The following CAMTA1 variants were observed in gnomAD, a reference collection of about 807,000 sequenced individuals.
The protein encoded by CAMTA1 is calmodulin binding transcription activator 1.
CAMTA1 carries 27 observed loss-of-function variants against 170.9 expected under a neutral mutation model. The ratio of observed to expected loss-of-function variants is 0.16; its 90% confidence interval spans 0.12 to 0.22. The LOEUF is 0.22. CAMTA1 is among the 10% of genes least tolerant of loss of function. CAMTA1 has a pLI of 1.00. For missense variants in CAMTA1, 1,619 were observed against 2,217.2 expected, an observed-to-expected ratio of 0.73 and a Z score of 5.42; for synonymous variants, 833 against 891.5, an observed-to-expected ratio of 0.93 and a Z score of 1.17.
chr1:7,002,521 G>A (rs976314404), intron 3 of CAMTA1, among the ~76,000 whole-genome samples: 2 of 152,166 alleles, frequency 1.3e-5, no homozygotes, highest in Non-Finnish European at 1.5e-5. Context: ...TGTTATTCAC[G>A]GGGTCTAATA....
intron 6 of CAMTA1, among the ~76,000 whole-genome samples, chr1:7,574,994 G>T (rs1484325875): frequency 2.0e-5 from 3 of 152,246 alleles, no homozygotes; most frequent in Non-Finnish European, 4.4e-5. Context: ...GCTCTGGGCT[G>T]CTGCTTCATG....
chr1:7,647,000 C>T (rs942133794), intron 7 of CAMTA1, among the ~76,000 whole-genome samples: 1 of 152,190 alleles, frequency 6.6e-6, no homozygotes, highest in African/African-American at 2.4e-5. Context: ...TTTCCAGTAC[C>T]GGGCCTCGGA....
At chr1:6,892,601 T>TC (rs1276073708) in intron 3 of CAMTA1, among the ~76,000 whole-genome samples, 3 of 150,426 alleles carry the variant, frequency 2.0e-5, no homozygotes, top group African/African-American at 7.3e-5. Flanking sequence ...TCTTTTCTTT[T>TC]TTTTTTTTTT....
chr1:7,398,556 T>A (rs1445534554), intron 5 of CAMTA1, among the ~76,000 whole-genome samples: 3 of 152,062 alleles, frequency 2.0e-5, no homozygotes, highest in Non-Finnish European at 4.4e-5. Context: ...TCTTATCCAT[T>A]CAGCCACTCT....
At chr1:7,139,168 AAT>A (rs1008362902) in intron 4 of CAMTA1, among the ~76,000 whole-genome samples, 1 of 128,426 alleles carries the variant, frequency 7.8e-6, no homozygotes, top group Non-Finnish European at 1.7e-5. Flanking sequence ...AATATATATA[AAT>A]ATATAAAATA....
chr1:6,972,488 T>C (rs980651214), intron 3 of CAMTA1, among the ~76,000 whole-genome samples: 2 of 152,226 alleles, frequency 1.3e-5, no homozygotes, highest in Non-Finnish European at 2.9e-5. Context: ...AATTAGCCTT[T>C]ATTCATCCCT....
At chr1:7,130,978 G>A (rs993108700) in intron 4 of CAMTA1, among the ~76,000 whole-genome samples, 6 of 149,240 alleles carry the variant, frequency 4.0e-5, no homozygotes, top group African/African-American at 1.2e-4. Flanking sequence ...TTTTTGAGAC[G>A]GATTCTTACT....
chr1:7,543,189 G>A (rs1399215482), intron 6 of CAMTA1, among the ~76,000 whole-genome samples: 1 of 152,164 alleles, frequency 6.6e-6, no homozygotes, highest in African/African-American at 2.4e-5. Flanking sequence ...TTTAATGGCT[G>A]CGTAATATCC....
intron 16 of CAMTA1, among the ~76,000 whole-genome samples, chr1:7,741,513 C>T (rs1016888013): frequency 6.6e-6 from 1 of 151,410 alleles, no homozygotes; most frequent in African/African-American, 2.4e-5. Context: ...AGCTAGCCGA[C>T]ATCGCACCAC....
chr1:7,235,203 G>A (rs533374457), intron 4 of CAMTA1, among the ~76,000 whole-genome samples: 24 of 152,226 alleles, frequency 1.6e-4, no homozygotes, highest in East Asian at 5.8e-4. Flanking sequence ...GGTGTGTCCC[G>A]ACCCGCCAGG....
chr1:6,893,378 C>T lies in CAMTA1; in HGVS notation c.234+68168C>T, dbSNP rs188550340. On this transcript the variant is annotated intron_variant, in intron 3 of 22. Coordinates refer to ENST00000303635, the MANE Select transcript of CAMTA1 (RefSeq NM_015215.4). ...CTGGCTTTCCTAGGAGCCTCTTTGG[C>T]GTGGGTGGGCGAGCTGCTCCCTTGC... 1.4e-3 allele frequency among the ~76,000 whole-genome samples: 218 copies of T among 152,306 alleles called. 1 individual carries two copies. Among genetic ancestry groups the T allele is most frequent in the Middle Eastern group, 6.8e-3 (2 of 294 alleles).
At position 7,737,183 on chromosome 1, in the gene CAMTA1, C is replaced by T; in HGVS notation, c.3343-72C>T. 4 of 1,493,520 alleles carry T rather than the reference C, an allele frequency of 2.7e-6. No homozygotes were observed. The South Asian group carries it at 3.7e-5, about 14-fold the overall frequency. The allele number at this position is 1,493,520 out of a possible 1,614,324, so 92.5% of individuals were successfully genotyped here. ...CAGCAAGGACCAGTTTGTCAGTTGG[C>T]AGCAATGGCAAAAGTCAGGTCTGGT... On this transcript the variant is annotated intron_variant, in intron 14 of 22. Transcript: ENST00000303635.
At chr1:7,492,684 C>CACAA (rs2093729431) in intron 6 of CAMTA1, among the ~76,000 whole-genome samples, 1 of 148,936 alleles carries the variant, frequency 6.7e-6, no homozygotes, top group Non-Finnish European at 1.5e-5. Flanking sequence ...CACACACAAA[C>CACAA]ACAAACCTAC....
chr1:7,187,631 A>G (rs1226504300), intron 4 of CAMTA1, among the ~76,000 whole-genome samples: 1 of 152,224 alleles, frequency 6.6e-6, no homozygotes, highest in Non-Finnish European at 1.5e-5. Context: ...AACATACATG[A>G]AATTATAGAG....
intron 4 of CAMTA1, among the ~76,000 whole-genome samples, chr1:7,103,468 CACA>C (rs1043499634): frequency 5.5e-5 from 8 of 145,288 alleles, no homozygotes; most frequent in Non-Finnish European, 9.0e-5. Flanking sequence ...CACACATGTA[CACA>C]ACACACACTA....
chr1:7,645,590 G>A (rs1383640965), intron 7 of CAMTA1, among the ~76,000 whole-genome samples: 1 of 152,388 alleles, frequency 6.6e-6, no homozygotes, highest in African/African-American at 2.4e-5. Flanking sequence ...GCAGCCATGA[G>A]CAAGTCCTAG....
chr1:6,950,321 TG>T (rs1383008969), intron 3 of CAMTA1, among the ~76,000 whole-genome samples: 2 of 152,178 alleles, frequency 1.3e-5, no homozygotes, highest in African/African-American at 2.4e-5. Context: ...CTTATCTTGA[TG>T]GGTGTGTGCT....
At chr1:7,155,985 G>A (rs143148621) in intron 4 of CAMTA1, among the ~76,000 whole-genome samples, 1 of 152,084 alleles carries the variant, frequency 6.6e-6, no homozygotes, top group African/African-American at 2.4e-5. Flanking sequence ...AGGCGCGGTG[G>A]CTCACAGCTG....
rs1017741321 is a variant in CAMTA1, at chr1:7,033,106, T to C, written c.235-58198T>C. Among the ~76,000 whole-genome samples, 7 of 152,320 alleles carry C rather than the reference T, an allele frequency of 4.6e-5. No homozygotes were observed. The East Asian group carries it at 1.3e-3, about 29-fold the overall frequency. ...TATGTGGATTTATAGTTTTATCAAA[T>C]TTGGAAAATTTTGGCTGTTAGTTTT... is the stretch of plus-strand genomic sequence containing the variant. On this transcript the variant is annotated intron_variant, in intron 3 of 22. Coordinates refer to ENST00000303635, the MANE Select transcript of CAMTA1 (RefSeq NM_015215.4).
Sources: gnomAD v4.1 joint callset for allele counts (sites outside exome capture counted in the v4.1 genomes callset) on GRCh38, gnomAD v4.1.1 for gene constraint, MANE v1.5 for transcripts, NCBI Gene and HGNC (gene_info 2026-07-23, HGNC 2026-07-21) for gene names.